TUBGCP6: variants seen among roughly 807,000 people sequenced by gnomAD.
The protein encoded by TUBGCP6 is tubulin gamma complex component 6.
A neutral mutation model predicts 175.8 loss-of-function variants in TUBGCP6; 161 were observed. That is an observed-to-expected ratio of 0.92 (90% confidence interval 0.81 to 1.04). The LOEUF is 1.04. TUBGCP6 is among the 50% of genes least tolerant of loss of function. The pLI, the probability that TUBGCP6 is intolerant of heterozygous loss-of-function variation, is 0.00. For missense variants in TUBGCP6, 2,572 were observed against 2,433.0 expected (o/e 1.06, Z -1.20); for synonymous variants, 1,173 against 1,030.5 (o/e 1.14, Z -2.65).
chr22:50,233,766 G>A (rs1450406028), intron 2 of TUBGCP6, among the ~76,000 whole-genome samples: 1 of 152,094 alleles, frequency 6.6e-6, no homozygotes, highest in African/African-American at 2.4e-5. Context: ...AGTGTTCCAG[G>A]GCACCTTCCT....
chr22:50,242,145 C>T (rs549351043), intron 1 of TUBGCP6, among the ~76,000 whole-genome samples: 5 of 151,942 alleles, frequency 3.3e-5, no homozygotes, highest in South Asian at 2.1e-4. Context: ...ACAAAAAATT[C>T]GCAGGGCGTG....
intron 3 of TUBGCP6, among the ~76,000 whole-genome samples, chr22:50,232,349 G>C (rs375997364): frequency 3.3e-5 from 5 of 149,308 alleles, no homozygotes; most frequent in East Asian, 2.0e-4. Flanking sequence ...ATGGGCAACA[G>C]AGCGAGACTC....
intron 1 of TUBGCP6, among the ~76,000 whole-genome samples, chr22:50,241,157 C>G (rs2064834134): frequency 6.6e-6 from 1 of 152,182 alleles, no homozygotes; most frequent in Admixed American, 6.5e-5. Flanking sequence ...TTATAATAAT[C>G]TTCGCTCTAC....
chr22:50,218,207 A>C lies in TUBGCP6; in HGVS notation c.5150T>G (p.Leu1717Arg), dbSNP rs779334636. Residue 1717 changes from leucine (L) to arginine (R), a missense_variant, in exon 23 of 25, where the codon CTG becomes CGG. Leu to Arg is a moderately radical substitution (Grantham distance 102, BLOSUM62 -2). Coordinates refer to ENST00000248846, the MANE Select transcript of TUBGCP6 (RefSeq NM_020461.4). Reference sequence around the variant, plus strand: ...GCCTCACCTGAAGACGGCCTTGTGCAGGTACTCTGCGTGCGCACGCTGGAT... The same window carrying C: ...GCCTCACCTGAAGACGGCCTTGTGCCGGTACTCTGCGTGCGCACGCTGGAT... ...EEIQRAHAEY[L>R]HKAVFRGLLT... is the part of the protein sequence containing the mutation. 1.2e-6 allele frequency: 2 copies of C among 1,612,122 alleles called. No homozygotes were observed. The highest frequency in any genetic ancestry group is 2.7e-5 in the African/African-American group (2 of 74,922).
rs373790669 is a variant in TUBGCP6 at position 50,224,410 on chromosome 22, C to T, written c.2076G>A (p.Met692Ile). 31 of 1,614,104 alleles carry T rather than the reference C, an allele frequency of 1.9e-5. No individual in the cohort carries two copies. The highest frequency in any genetic ancestry group is 2.5e-5 in the Non-Finnish European group (29 of 1,180,046). The part of the protein sequence containing the change: ...RVLSALSDRQ[M>I]SERMALDARK... ...GGGCATCCAAGGCCATCCGTTCTGA[C>T]ATCTGCCGGTCTACATTGGGACAGT... is the stretch of plus-strand genomic sequence containing the variant. The change falls in exon 12 of 25, where the codon ATG becomes ATA. Residue 692 changes from methionine to isoleucine, a missense_variant. By Grantham distance (10) the Met-to-Ile change is conservative. Coordinates refer to ENST00000248846, the MANE Select transcript of TUBGCP6 (RefSeq NM_020461.4).
intron 2 of TUBGCP6, 67 bp downstream of exon 2, chr22:50,240,137 C>CCCCA (rs751353071): frequency 6.2e-7 from 1 of 1,600,060 alleles, no homozygotes; most frequent in East Asian, 2.3e-5. Context: ...CCCCCACACA[C>CCCCA]CCCATCCAAG....
chr22:50,225,265 CCACCAGG>C (rs2064588548), intron 10 of TUBGCP6, among the ~76,000 whole-genome samples: 3 of 152,150 alleles, frequency 2.0e-5, no homozygotes, highest in South Asian at 2.1e-4. Flanking sequence ...TCCCTGCTGC[CCACCAGG>C]CACCAGGCCA....
At chr22:50,235,417 C>T (rs2064764585) in intron 2 of TUBGCP6, among the ~76,000 whole-genome samples, 1 of 152,378 alleles carries the variant, frequency 6.6e-6, no homozygotes, top group Non-Finnish European at 1.5e-5. Context: ...AAACACAGAC[C>T]GTCCGTGCAG....
intron 10 of TUBGCP6, among the ~76,000 whole-genome samples, chr22:50,224,852 A>C (rs1012368133): frequency 4.6e-5 from 7 of 152,156 alleles, no homozygotes; most frequent in Non-Finnish European, 8.8e-5. Context: ...TGGGAGGTGG[A>C]GGCTGCAGTG....
In TUBGCP6 at chr22:50,219,291, G is replaced by T; in HGVS notation, c.4481C>A (p.Ala1494Asp). The T allele has an allele frequency of 6.2e-7, 1 of 1,604,104 alleles. No homozygotes were observed. The stretch of plus-strand genomic sequence containing the variant: ...GCGCAGGGGCAGGGGCACTCACTGG[G>T]CGGCCAGCGGTGCCGTGATGGAGCG... Reference protein sequence around the residue: ...MKRSITAPLAAHISLVNKAAV... With the variant: ...MKRSITAPLADHISLVNKAAV... Residue 1494 changes from alanine to aspartate, a missense_variant, in exon 19 of 25, where the codon GCC becomes GAC. By Grantham distance (126) the Ala-to-Asp change is moderately radical. Transcript: ENST00000248846.
Position 50,221,431 on chromosome 22 carries a change from G to A in TUBGCP6, c.2928C>T (p.Ser976=). 6.2e-7 allele frequency: 1 copy of A among 1,600,076 alleles called. No individual in the cohort carries two copies. The highest frequency in any genetic ancestry group is 8.5e-7 in the Non-Finnish European group (1 of 1,176,032). ...APGPLQAAEC[S]LGSSGLQLWE... ...ACAGCTGTAGCCCTGAGCTGCCCAA[G>A]CTGCACTCTGCAGCCTGCAGGGGCC... is the stretch of plus-strand genomic sequence containing the variant. Residue 976 remains serine (S), a synonymous_variant, in exon 16 of 25, where the codon AGC becomes AGT. Coordinates refer to ENST00000248846, the MANE Select transcript of TUBGCP6 (RefSeq NM_020461.4).
chr22:50,243,850 C>G lies in TUBGCP6; in HGVS notation c.610G>C (p.Asp204His), dbSNP rs747557184. ...ACCCGGGTGTCTCTCTCGAACCTGT[C>G]ACCACAAGGGTCACCAAATGAGAAG... The part of the protein sequence containing the change: ...GLFSFGDPCG[D>H]RFERDTRVSL... Residue 204 changes from aspartate (D) to histidine (H), a missense_variant, in exon 1 of 25, where the codon GAC (aspartate) becomes CAC (histidine). Coordinates refer to ENST00000248846, the MANE Select transcript of TUBGCP6 (RefSeq NM_020461.4). 8 of 1,613,638 alleles carry G rather than the reference C, an allele frequency of 5.0e-6. No individual in the cohort carries two copies. Among genetic ancestry groups the G allele is most frequent in the Non-Finnish European group, 5.1e-6 (6 of 1,179,994 alleles).
intron 4 of TUBGCP6, among the ~76,000 whole-genome samples, chr22:50,229,155 C>T (rs1434496780): frequency 2.6e-5 from 4 of 152,188 alleles, no homozygotes; most frequent in African/African-American, 9.7e-5. Flanking sequence ...ATGCTGGCTG[C>T]ACCTGCCTCC....
Position 50,244,072 on chromosome 22 carries a change from G to T in TUBGCP6, c.388C>A (p.Arg130=). The part of the protein sequence containing the change: ...SGPPQVLPRK[R]DYFLNNKHVG... ...TGCTTGTTGTTAAGGAAGTAGTCTCGTTTTCTCGGCAGAACTTGAGGGGGA... is the reference window on the plus strand; with the variant it reads ...TGCTTGTTGTTAAGGAAGTAGTCTCTTTTTCTCGGCAGAACTTGAGGGGGA... The change falls in exon 1 of 25, where the codon CGA becomes AGA. Residue 130 remains arginine (R), a synonymous_variant. Coordinates refer to ENST00000248846, the MANE Select transcript of TUBGCP6 (RefSeq NM_020461.4). 6.2e-7 allele frequency: 1 copy of T among 1,613,952 alleles called. No individual in the cohort carries two copies. Among genetic ancestry groups the T allele is most frequent in the Non-Finnish European group, 8.5e-7 (1 of 1,180,016 alleles).
chr22:50,233,258 G>T lies in TUBGCP6; in HGVS notation c.1116+58C>A. 2.5e-6 allele frequency: 4 copies of T among 1,572,640 alleles called. No individual in the cohort carries two copies. The East Asian group carries it at 9.4e-5, about 37-fold the overall frequency. ...TCTGCCCCATAAAGGGCTGGGCACT[G>T]CGTGGTGGAGGGCAGGCCAGCCCCA... On this transcript the variant is annotated intron_variant, in intron 3 of 24. Coordinates refer to ENST00000248846, the MANE Select transcript of TUBGCP6 (RefSeq NM_020461.4).
Position 50,218,191 on chromosome 22 carries a change from G to A in TUBGCP6, c.5166C>T (p.Phe1722=). The change falls in exon 23 of 25, where the codon TTC becomes TTT. Residue 1722 remains phenylalanine, a splice_region_variant and synonymous_variant. Coordinates refer to ENST00000248846, the MANE Select transcript of TUBGCP6 (RefSeq NM_020461.4). ...AHAEYLHKAV[F]RGLLTEKAAP... is the part of the protein sequence containing the mutation. ...CGCAGCCGCTGCCCAGGCCTCACCTGAAGACGGCCTTGTGCAGGTACTCTG... is the reference window on the plus strand; with the variant it reads ...CGCAGCCGCTGCCCAGGCCTCACCTAAAGACGGCCTTGTGCAGGTACTCTG... 4 of 1,611,588 alleles carry A rather than the reference G, an allele frequency of 2.5e-6. No individual in the cohort carries two copies. Among genetic ancestry groups the A allele is most frequent in the Non-Finnish European group, 3.4e-6 (4 of 1,179,702 alleles).
rs187563075 is a variant in TUBGCP6, at chr22:50,224,129, G to A, written c.2270+12C>T. ...CACTGCACCCCTGGGCCTGGAGCCC[G>A]GGCTGCCCTACCTCGCCTTCCTCTC... On this transcript the variant is annotated intron_variant, in intron 13 of 24. Transcript: ENST00000248846. 4.4e-4 allele frequency: 702 copies of A among 1,611,250 alleles called. 5 individuals are homozygous for A. The South Asian group carries it at 5.2e-3, about 12-fold the overall frequency.
In TUBGCP6 at chr22:50,221,187, C is replaced by A. The variant is rs868199449; in HGVS notation, c.3172G>T (p.Asp1058Tyr). 6.2e-7 allele frequency: 1 copy of A among 1,600,860 alleles called. No homozygotes were observed. Among genetic ancestry groups the A allele is most frequent in the African/African-American group, 1.4e-5 (1 of 72,356 alleles). ...PRWNTHGHVSDASIRVGENVS... is the reference protein window; with the variant it reads ...PRWNTHGHVSYASIRVGENVS... Reference sequence around the variant, plus strand: ...TTCTCCCCGACCCTGATGCTGGCGTCAGACACGTGCCCGTGGGTGTTCCAC... The same window carrying A: ...TTCTCCCCGACCCTGATGCTGGCGTAAGACACGTGCCCGTGGGTGTTCCAC... The change falls in exon 16 of 25, where the codon GAC becomes TAC. Residue 1058 changes from aspartate to tyrosine, a missense_variant. Coordinates refer to ENST00000248846, the MANE Select transcript of TUBGCP6 (RefSeq NM_020461.4).
Position 50,244,746 on chromosome 22 carries a change from G to C in TUBGCP6, c.-287C>G. ...TAATTCAGTAGCCCTCAACCTTTAG[G>C]GAGTCACAGAACCGTGGCAAAACCG... On this transcript the variant is annotated 5_prime_UTR_variant, in exon 1 of 25. Coordinates refer to ENST00000248846, the MANE Select transcript of TUBGCP6 (RefSeq NM_020461.4). The C allele has an allele frequency of 2.3e-6, 1 of 425,772 alleles. No homozygotes were observed. Among genetic ancestry groups the C allele is most frequent in the Non-Finnish European group, 4.2e-6 (1 of 237,008 alleles). The allele number at this position is 425,772 out of a possible 1,614,324, so 26.4% of individuals were successfully genotyped here.
Sources: allele counts gnomAD v4.1 joint callset (sites outside exome capture counted in the v4.1 genomes callset), GRCh38; gene constraint gnomAD v4.1.1; transcripts MANE v1.5; gene names NCBI Gene and HGNC (gene_info 2026-07-23, HGNC 2026-07-21).